The following KDM4C variants were observed in gnomAD, a reference collection of about 807,000 sequenced individuals.
KDM4C encodes the protein lysine demethylase 4C.
In KDM4C, 81 loss-of-function variants were observed where a neutral mutation model predicts 129.3. The ratio of observed to expected loss-of-function variants is 0.63; its 90% CI spans 0.52 to 0.75. The LOEUF is 0.75. Among genes scored for constraint, KDM4C ranks in the 30% least tolerant of loss-of-function variants. The pLI is 0.00. For missense variants in KDM4C, 1,457 were observed against 1,304.0 expected (o/e 1.12, Z -1.81); for synonymous variants, 573 against 456.1 (o/e 1.26, Z -3.26).
At chr9:6,778,743 G>C (rs1295418049) in intron 1 of KDM4C, among the ~76,000 whole-genome samples, 1 of 151,874 alleles carries the variant, frequency 6.6e-6, no homozygotes, top group African/African-American at 2.4e-5. Context: ...CTCCAGCCTG[G>C]GTAACAGAGC....
rs555219033 is a variant in KDM4C at position 7,051,134 on chromosome 9, C to T, written c.2424+1934C>T. Among the ~76,000 whole-genome samples the T allele has an allele frequency of 2.0e-5, 3 of 152,218 alleles. No homozygotes were observed. The East Asian group carries it at 5.8e-4, about 29-fold the overall frequency. On this transcript the variant is annotated intron_variant, in intron 17 of 21. Coordinates refer to ENST00000381309, the MANE Select transcript of KDM4C (RefSeq NM_015061.6). ...GCAGCCTCTTGACCAGATTATTTTT[C>T]ATATAATGTTATATTTATGGAAAGT...
At chr9:6,854,709 T>C (rs1243621618) in intron 5 of KDM4C, among the ~76,000 whole-genome samples, 1 of 152,208 alleles carries the variant, frequency 6.6e-6, no homozygotes, top group Non-Finnish European at 1.5e-5. Context: ...TTGTTAAATT[T>C]CATTCAGTAA....
intron 1 of KDM4C, among the ~76,000 whole-genome samples, chr9:6,760,622 G>A (rs1222042064): frequency 6.6e-6 from 1 of 151,578 alleles, no homozygotes; most frequent in Non-Finnish European, 1.5e-5. Flanking sequence ...CCAGGCTGGA[G>A]TGCAGTGGCA....
chr9:6,732,106 A>G lies in KDM4C; in HGVS notation c.49+11109A>G, dbSNP rs563283521. Among the ~76,000 whole-genome samples the G allele has an allele frequency of 3.6e-4, 55 of 151,996 alleles. No individual in the cohort carries two copies. In the South Asian group the frequency reaches 6.1e-3, roughly 17 times the overall value. On this transcript the variant is annotated intron_variant, in intron 1 of 17. Coordinates refer to the KDM4C transcript ENST00000536108. ...GCTGGGGCTGGGTGTGGTGGCTCACATCTGTAATCCCAGCACTTGGGAGGC... is the reference window on the plus strand; with the variant it reads ...GCTGGGGCTGGGTGTGGTGGCTCACGTCTGTAATCCCAGCACTTGGGAGGC...
intron 17 of KDM4C, among the ~76,000 whole-genome samples, chr9:7,077,667 T>C (rs1834079764): frequency 6.6e-6 from 1 of 152,150 alleles, no homozygotes; most frequent in Non-Finnish European, 1.5e-5. Context: ...GGTCTATGAC[T>C]CCCAGGAACA....
chr9:6,832,921 A>G (rs1835167020), intron 4 of KDM4C, among the ~76,000 whole-genome samples: 1 of 148,830 alleles, frequency 6.7e-6, no homozygotes, highest in East Asian at 1.9e-4. Context: ...TTTTTAGTAG[A>G]GATGGGGTTT....
intron 1 of KDM4C, among the ~76,000 whole-genome samples, chr9:6,770,858 C>G (rs1223851539): frequency 2.0e-5 from 3 of 149,870 alleles, no homozygotes; most frequent in Non-Finnish European, 4.4e-5. Context: ...TCACTGCAAC[C>G]TCTGCCTCCC....
intron 3 of KDM4C, among the ~76,000 whole-genome samples, chr9:6,809,193 A>T (rs1023530381): frequency 6.6e-6 from 1 of 152,272 alleles, no homozygotes; most frequent in East Asian, 1.9e-4. Flanking sequence ...TTTCTTTTGA[A>T]TTTTTTGGGT....
intron 8 of KDM4C, among the ~76,000 whole-genome samples, chr9:6,946,357 TCCTA>T (rs1411134547): frequency 6.6e-5 from 10 of 152,168 alleles, no homozygotes; most frequent in Non-Finnish European, 1.5e-4. Context: ...TACTTTTTGT[TCCTA>T]CCTATTATTG....
At chr9:7,007,445 A>G (rs550035581) in intron 12 of KDM4C, among the ~76,000 whole-genome samples, 21 of 152,348 alleles carry the variant, frequency 1.4e-4, no homozygotes, top group Admixed American at 4.6e-4. Context: ...CATTCTTGAA[A>G]GAACCTAGGG....
chr9:6,968,379 A>G (rs1831372480), intron 8 of KDM4C, among the ~76,000 whole-genome samples: 1 of 152,174 alleles, frequency 6.6e-6, no homozygotes, highest in African/African-American at 2.4e-5. Context: ...GGAGACCAAG[A>G]TTACCATTTA....
intron 5 of KDM4C, among the ~76,000 whole-genome samples, chr9:6,871,919 C>A (rs1842872240): frequency 6.6e-6 from 1 of 151,966 alleles, no homozygotes; most frequent in Non-Finnish European, 1.5e-5. Flanking sequence ...TATAATACTA[C>A]ATAATATACA....
intron 19 of KDM4C, among the ~76,000 whole-genome samples, chr9:7,133,397 T>C (rs1168488502): frequency 6.6e-6 from 1 of 152,140 alleles, no homozygotes; most frequent in Non-Finnish European, 1.5e-5. Context: ...AGTCCCAGCA[T>C]CTTTTAGACT....
chr9:7,158,817 G>T (rs1042594969), intron 19 of KDM4C, among the ~76,000 whole-genome samples: 1 of 152,288 alleles, frequency 6.6e-6, no homozygotes, highest in African/African-American at 2.4e-5. Flanking sequence ...TGTATATTCT[G>T]TTGATTTGGG....
At chr9:6,754,505 G>T (rs1818180557), upstream of KDM4C, among the ~76,000 whole-genome samples, 1 of 152,130 alleles carries the variant, frequency 6.6e-6, no homozygotes, top group South Asian at 2.1e-4. Context: ...GAGCCACTGT[G>T]CCCAGCTCAA....
chr9:6,934,757 C>T (rs745969714), intron 8 of KDM4C, among the ~76,000 whole-genome samples: 5 of 151,960 alleles, frequency 3.3e-5, no homozygotes, highest in African/African-American at 9.7e-5. Context: ...CCACTGCGCC[C>T]GGCCCACTCT....
intron 1 of KDM4C, among the ~76,000 whole-genome samples, chr9:6,723,138 C>T (rs1817011693): frequency 6.6e-6 from 1 of 151,982 alleles, no homozygotes; most frequent in Non-Finnish European, 1.5e-5. Context: ...CTTTGGGAGG[C>T]CGAGGTGAGT....
intron 4 of KDM4C, among the ~76,000 whole-genome samples, chr9:6,848,350 A>G (rs1318310137): frequency 6.6e-6 from 1 of 152,160 alleles, no homozygotes; most frequent in Non-Finnish European, 1.5e-5. Flanking sequence ...AAAATTTCTA[A>G]GCAGTTGTGA....
chr9:6,981,209 C>T (rs2131813604), intron 9 of KDM4C, 91 bp downstream of exon 9: 14 of 975,594 alleles, frequency 1.4e-5, no homozygotes, highest in Non-Finnish European at 2.1e-5. Flanking sequence ...CTTGCTTTTT[C>T]TATTTATTCA....
Sources: allele counts gnomAD v4.1 joint callset (sites outside exome capture counted in the v4.1 genomes callset), GRCh38; gene constraint gnomAD v4.1.1; transcripts MANE v1.5; gene names NCBI Gene and HGNC (gene_info 2026-07-23, HGNC 2026-07-21).